NCALD: variants seen among roughly 807,000 people sequenced by gnomAD.
NCALD encodes neurocalcin-delta.
A neutral mutation model predicts 18.6 loss-of-function variants in NCALD; 10 were observed. The observed-to-expected ratio is 0.54, with a 90% CI of 0.33 to 0.91. The LOEUF is 0.91. Among genes scored for constraint, NCALD ranks in the 40% least tolerant of loss-of-function variants. The pLI is 0.03. For synonymous variants in NCALD, 88 were observed against 87.4 expected (o/e 1.01, Z -0.04); for missense variants, 184 against 247.6 (o/e 0.74, Z 1.72).
intron 2 of NCALD, among the ~76,000 whole-genome samples, chr8:102,012,397 A>G (rs1821934925): frequency 6.6e-6 from 1 of 152,138 alleles, no homozygotes; most frequent in African/African-American, 2.4e-5. Context: ...TTAGCTGTCA[A>G]CTCCAACTCC....
intron 1 of NCALD, among the ~76,000 whole-genome samples, chr8:102,097,156 T>A (rs375578255): frequency 1.3e-5 from 2 of 152,166 alleles, no homozygotes; most frequent in East Asian, 3.8e-4. Flanking sequence ...CTTACCTACA[T>A]TTCATAGTAT....
At chr8:101,934,702 CT>C (rs1818698273) in intron 2 of NCALD, among the ~76,000 whole-genome samples, 1 of 152,084 alleles carries the variant, frequency 6.6e-6, no homozygotes, top group Non-Finnish European at 1.5e-5. Flanking sequence ...TGCAAAAAAC[CT>C]AGAACGAAAT....
chr8:102,056,109 A>T (rs1433134783), intron 1 of NCALD, among the ~76,000 whole-genome samples: 1 of 152,222 alleles, frequency 6.6e-6, no homozygotes, highest in Admixed American at 6.5e-5. Flanking sequence ...CTTTGAACTA[A>T]ACAATTCCAC....
chr8:101,949,655 G>A (rs1478333643), intron 2 of NCALD, among the ~76,000 whole-genome samples: 1 of 152,024 alleles, frequency 6.6e-6, no homozygotes, highest in Non-Finnish European at 1.5e-5. Context: ...CATTTCCAAT[G>A]GGCTGATAGA....
At chr8:101,805,458 C>T (rs996732281) in intron 4 of NCALD, among the ~76,000 whole-genome samples, 1 of 152,182 alleles carries the variant, frequency 6.6e-6, no homozygotes. Flanking sequence ...ACTCTAAGCA[C>T]AGCAGATCAA....
intron 2 of NCALD, among the ~76,000 whole-genome samples, chr8:101,920,938 C>G (rs185881260): frequency 6.6e-6 from 1 of 152,042 alleles, no homozygotes; most frequent in Non-Finnish European, 1.5e-5. Flanking sequence ...TAGGAAATTA[C>G]GATAAAATGA....
chr8:102,109,407 C>T (rs953218954), intron 1 of NCALD, among the ~76,000 whole-genome samples: 1 of 151,844 alleles, frequency 6.6e-6, no homozygotes, highest in South Asian at 2.1e-4. Context: ...TCATCCTACA[C>T]AAAAATAAAT....
At chr8:101,840,284 C>T (rs573362427) in intron 4 of NCALD, among the ~76,000 whole-genome samples, 79 of 152,248 alleles carry the variant, frequency 5.2e-4, no homozygotes, top group African/African-American at 1.7e-3. Context: ...TGTGCACACA[C>T]AGGAGCTGAA....
chr8:101,912,752 C>A (rs73282616), intron 3 of NCALD, among the ~76,000 whole-genome samples: 1,575 of 152,328 alleles, frequency 0.01, 24 homozygotes, highest in African/African-American at 0.034. Flanking sequence ...TGAGTCATGT[C>A]CTATGTAATC....
chr8:102,039,386 AAC>A (rs1822974636), intron 1 of NCALD, among the ~76,000 whole-genome samples: 1 of 152,218 alleles, frequency 6.6e-6, no homozygotes, highest in Non-Finnish European at 1.5e-5. Context: ...AGAAAGAAAT[AAC>A]ACAGTTTAGA....
At chr8:101,883,971 C>T (rs1382118080) in intron 4 of NCALD, among the ~76,000 whole-genome samples, 1 of 152,192 alleles carries the variant, frequency 6.6e-6, no homozygotes, top group Non-Finnish European at 1.5e-5. Flanking sequence ...GACTCATTTC[C>T]TGTTATAAAC....
chr8:101,916,632 G>C (rs988966270), intron 2 of NCALD, among the ~76,000 whole-genome samples: 9 of 151,966 alleles, frequency 5.9e-5, no homozygotes, highest in African/African-American at 2.2e-4. Context: ...AGACCCATAG[G>C]CTCAAAGTAA....
At chr8:102,060,012 A>C (rs186143670) in intron 1 of NCALD, among the ~76,000 whole-genome samples, 1 of 151,894 alleles carries the variant, frequency 6.6e-6, no homozygotes, top group Non-Finnish European at 1.5e-5. Context: ...ATGGAGTCTC[A>C]CTCTGTCGCC....
chr8:102,110,029 G>A (rs577452517), intron 1 of NCALD, among the ~76,000 whole-genome samples: 2 of 151,820 alleles, frequency 1.3e-5, no homozygotes, highest in Admixed American at 1.3e-4. Flanking sequence ...ATGTTTTATT[G>A]CATATATAAT....
exon 4 of NCALD, chr8:101,887,174 G>A (rs2131487383): frequency 6.6e-6 from 1 of 152,188 alleles, no homozygotes; most frequent in African/African-American, 2.4e-5. Context: ...GGATCTCGGG[G>A]CCTTCCTCGG....
At chr8:102,056,589 A>T (rs1285293303) in intron 1 of NCALD, among the ~76,000 whole-genome samples, 2 of 152,250 alleles carry the variant, frequency 1.3e-5, no homozygotes, top group African/African-American at 4.8e-5. Context: ...AGGCTGTCCC[A>T]TGGACTAGAG....
At chr8:101,915,526 T>C (rs1238410005) in intron 3 of NCALD, 1 of 152,204 alleles carries the variant, frequency 6.6e-6, no homozygotes, top group Non-Finnish European at 1.5e-5. Context: ...AGATGTCATA[T>C]AAAAACTACT....
chr8:101,846,933 G>A (rs1174010722), intron 4 of NCALD, among the ~76,000 whole-genome samples: 1 of 152,144 alleles, frequency 6.6e-6, no homozygotes, highest in African/African-American at 2.4e-5. Flanking sequence ...GAGTATTTTT[G>A]CATACTTATT....
At chr8:102,102,476 G>T (rs1375207184) in intron 1 of NCALD, among the ~76,000 whole-genome samples, 1 of 152,212 alleles carries the variant, frequency 6.6e-6, no homozygotes, top group Non-Finnish European at 1.5e-5. Context: ...GACACCAGAG[G>T]ACATGGAGCA....
Sources: gnomAD v4.1 joint callset for allele counts (sites outside exome capture counted in the v4.1 genomes callset) on GRCh38, gnomAD v4.1.1 for gene constraint, MANE v1.5 for transcripts, NCBI Gene and HGNC (gene_info 2026-07-23, HGNC 2026-07-21) for gene names.